The following TRPC4AP variants were observed in gnomAD, a reference collection of about 807,000 sequenced individuals.
TRPC4AP encodes transient receptor potential cation channel subfamily C member 4 associated protein.
Under a neutral mutation model 99.0 loss-of-function variants are expected in TRPC4AP, and 45 were observed. That is an observed-to-expected ratio of 0.45 (90% CI 0.36 to 0.58). The LOEUF is 0.58. TRPC4AP is among the 20% of genes least tolerant of loss of function. The pLI is 0.00. For missense variants in TRPC4AP, 879 were observed against 985.3 expected, an observed-to-expected ratio of 0.89 and a Z score of 1.44; for synonymous variants, 408 against 385.8, an observed-to-expected ratio of 1.06 and a Z score of -0.67.
intron 6 of TRPC4AP, among the ~76,000 whole-genome samples, chr20:35,047,957 AAG>A (rs1398169069): frequency 6.6e-6 from 1 of 152,176 alleles, no homozygotes; most frequent in Non-Finnish European, 1.5e-5. Flanking sequence ...AACAAAAAAA[AAG>A]AGGATATTCT....
At chr20:35,089,666 T>A (rs963784173) in intron 1 of TRPC4AP, among the ~76,000 whole-genome samples, 3 of 152,018 alleles carry the variant, frequency 2.0e-5, no homozygotes, top group African/African-American at 7.2e-5. Context: ...CTGACCGACA[T>A]GGTGAAACCC....
chr20:35,060,920 G>A (rs1268022337), intron 3 of TRPC4AP, among the ~76,000 whole-genome samples: 1 of 152,092 alleles, frequency 6.6e-6, no homozygotes, highest in Admixed American at 6.5e-5. Flanking sequence ...TTCCCATTAA[G>A]ATGAGGAAAA....
rs377096923 is a variant in TRPC4AP at position 35,055,027 on chromosome 20, A to T, written c.477T>A (p.Ser159Arg). The change falls in exon 5 of 19, where the codon AGT becomes AGA. Residue 159 changes from serine (S) to arginine (R), a missense_variant. Physicochemically the swap from Ser to Arg is moderately radical, Grantham distance 110. This residue lies in a region of TRPC4AP where 603 missense variants were observed against 631.8 expected (regional missense o/e 0.95). Transcript: ENST00000252015. ...TCAAGCAGTCCTTGGACATTTCATC[A>T]CTTACTGAAAGTGAAAGGGTAATGA... is the stretch of plus-strand genomic sequence containing the variant. Reference protein sequence around the residue: ...ISIRGQKLKISDEMSKDCLSI... With the variant: ...ISIRGQKLKIRDEMSKDCLSI... 1.5e-5 allele frequency: 24 copies of T among 1,613,420 alleles called. No individual in the cohort carries two copies. The highest frequency in any genetic ancestry group is 2.0e-5 in the Non-Finnish European group (24 of 1,179,686).
chr20:35,056,982 T>A (rs1220730565), intron 4 of TRPC4AP, among the ~76,000 whole-genome samples: 1 of 10,740 alleles, frequency 9.3e-5, no homozygotes, highest in Non-Finnish European at 1.6e-4. Flanking sequence ...CGAGAGACTG[T>A]CTCAAAAAAA....
At chr20:35,034,446 G>T (rs1023908281) in intron 8 of TRPC4AP, among the ~76,000 whole-genome samples, 1 of 152,092 alleles carries the variant, frequency 6.6e-6, no homozygotes, top group Non-Finnish European at 1.5e-5. Context: ...AGTACAGTAT[G>T]GAGCTGGGTG....
rs945376037 is a variant in TRPC4AP at position 35,061,580 on chromosome 20, T to C, written c.415-4009A>G. 5.9e-5 allele frequency among the ~76,000 whole-genome samples: 9 copies of C among 152,354 alleles called. No individual in the cohort carries two copies. The East Asian group carries it at 7.7e-4, about 13-fold the overall frequency. Reference sequence around the variant, plus strand: ...ACCCGTGTCTATGATCAGTTGATTTTTGACAAGGTTGCCAAGACAATTCAA... The same window carrying C: ...ACCCGTGTCTATGATCAGTTGATTTCTGACAAGGTTGCCAAGACAATTCAA... On this transcript the variant is annotated intron_variant, in intron 3 of 18. Transcript: ENST00000252015.
chr20:35,008,507 A>G (rs2082561664), intron 13 of TRPC4AP, among the ~76,000 whole-genome samples, 157 bp downstream of exon 13: 1 of 152,200 alleles, frequency 6.6e-6, no homozygotes, highest in Non-Finnish European at 1.5e-5. Flanking sequence ...TGTCGAGTCA[A>G]AACTACACAA....
intron 5 of TRPC4AP, among the ~76,000 whole-genome samples, chr20:35,054,666 C>T (rs2083784161): frequency 6.6e-6 from 1 of 152,168 alleles, no homozygotes; most frequent in Non-Finnish European, 1.5e-5. Context: ...TAAAATGAGT[C>T]TTAAAGGTCA....
At chr20:35,083,801 G>A (rs1375047417) in intron 1 of TRPC4AP, among the ~76,000 whole-genome samples, 1 of 151,552 alleles carries the variant, frequency 6.6e-6, no homozygotes, top group Admixed American at 6.6e-5. Flanking sequence ...GACAATTGAG[G>A]AAACAAGGTC....
At chr20:35,024,854 A>AAAAAAAAAAAACAAAAAACAT (rs1479270980) in intron 8 of TRPC4AP, among the ~76,000 whole-genome samples, 1 of 89,480 alleles carries the variant, frequency 1.1e-5, no homozygotes, top group Non-Finnish European at 2.3e-5. Context: ...AAAAAAAAAA[A>AAAAAAAAAAAACAAAAAACAT]ATTCTGTTTA....
chr20:35,051,998 A>G (rs527543791), intron 5 of TRPC4AP, among the ~76,000 whole-genome samples: 11 of 152,304 alleles, frequency 7.2e-5, no homozygotes, highest in African/African-American at 2.6e-4. Context: ...TTCTTAACTG[A>G]GGCCAAAAAG....
chr20:35,004,737 C>A (rs1164038127), intron 16 of TRPC4AP, among the ~76,000 whole-genome samples, 167 bp from the exon 17 acceptor site: 2 of 152,190 alleles, frequency 1.3e-5, no homozygotes, highest in Admixed American at 6.5e-5. Flanking sequence ...CTCCAGCTGT[C>A]CTGCTACCAG....
intron 3 of TRPC4AP, among the ~76,000 whole-genome samples, chr20:35,061,206 CAAA>C (rs953333545): frequency 2.4e-4 from 36 of 150,934 alleles, no homozygotes; most frequent in African/African-American, 8.8e-4. Context: ...TAGCAAGAAG[CAAA>C]AAAAACTGGA....
intron 1 of TRPC4AP, among the ~76,000 whole-genome samples, chr20:35,087,960 G>A (rs570718895): frequency 2.7e-4 from 41 of 152,236 alleles, no homozygotes; most frequent in Admixed American, 5.2e-4. Context: ...TTTGGCTTTC[G>A]ACATACTAAG....
At chr20:35,020,342 G>A (rs2082855941) in intron 9 of TRPC4AP, among the ~76,000 whole-genome samples, 1 of 152,130 alleles carries the variant, frequency 6.6e-6, no homozygotes, top group African/African-American at 2.4e-5. Context: ...AGCTTGACAT[G>A]ACCTGGTCCC....
chr20:35,072,174 G>T (rs1297472854), intron 2 of TRPC4AP, among the ~76,000 whole-genome samples: 1 of 152,188 alleles, frequency 6.6e-6, no homozygotes, highest in South Asian at 2.1e-4. Context: ...GTAGATTCTG[G>T]ATATTAGCCC....
At chr20:35,035,801 G>A (rs911554068) in intron 7 of TRPC4AP, among the ~76,000 whole-genome samples, 2 of 146,136 alleles carry the variant, frequency 1.4e-5, no homozygotes, top group Admixed American at 7.1e-5. Context: ...TTTATATAGT[G>A]ACTCAAAACA....
intron 2 of TRPC4AP, among the ~76,000 whole-genome samples, chr20:35,072,544 T>C (rs946451536): frequency 6.6e-6 from 1 of 152,200 alleles, no homozygotes; most frequent in African/African-American, 2.4e-5. Context: ...AGGGAATCCT[T>C]TCCCCATTTC....
chr20:35,003,507 T>C lies in TRPC4AP; in HGVS notation c.2159A>G (p.Lys720Arg). ...RLLQRMEHSK[K>R]YPGFLLNNFH... ...GTTGTTGAGCAGGAAGCCGGGGTAC[T>C]TCTTGCTGTGCTCCATCCGCTGCAG... The change falls in exon 18 of 19, where the codon AAG becomes AGG. Residue 720 changes from lysine to arginine, a missense_variant. Around this residue, in one of 3 missense-constraint regions of TRPC4AP, gnomAD observed 224 missense variants for 264.7 expected, o/e 0.85. Coordinates refer to ENST00000252015, the MANE Select transcript of TRPC4AP (RefSeq NM_015638.3). 1 of 1,614,072 alleles carries C rather than the reference T, an allele frequency of 6.2e-7. No individual in the cohort carries two copies. Among genetic ancestry groups the C allele is most frequent in the Non-Finnish European group, 8.5e-7 (1 of 1,180,024 alleles).
Sources: allele counts gnomAD v4.1 joint callset (sites outside exome capture counted in the v4.1 genomes callset), GRCh38; gene constraint gnomAD v4.1.1; regional missense constraint gnomAD v4.1.1; transcripts MANE v1.5; gene names NCBI Gene and HGNC (gene_info 2026-07-23, HGNC 2026-07-21).